Variants in ANKRD11 observed in about 807,000 individuals in gnomAD.
ANKRD11 encodes the protein ankyrin repeat domain 11.
A neutral mutation model predicts 195.7 loss-of-function variants in ANKRD11; 17 were observed. The observed-to-expected ratio is 0.09, with a 90% CI of 0.06 to 0.13. The LOEUF (loss-of-function observed/expected upper bound fraction) is 0.13, where lower values mean the gene tolerates loss of function less well. Ranked by LOEUF, ANKRD11 falls within the 10% of genes least tolerant of loss-of-function variation. The pLI, the probability that ANKRD11 is intolerant of heterozygous loss-of-function variation, is 1.00. For missense variants in ANKRD11, 3,735 were observed against 3,566.1 expected (o/e 1.05, Z -1.21); for synonymous variants, 1,953 against 1,528.1 (o/e 1.28, Z -6.49).
At chr16:89,340,925 G>A (rs2151995276) in intron 2 of ANKRD11, among the ~76,000 whole-genome samples, 1 of 152,280 alleles carries the variant, frequency 6.6e-6, no homozygotes, top group East Asian at 1.9e-4. Context: ...GTCCAAATGT[G>A]GGCAGTGATG....
rs906476955 is a variant in ANKRD11 at position 89,340,399 on chromosome 16, T to C, written c.-59-23321A>G. 6.0e-4 allele frequency among the ~76,000 whole-genome samples: 92 copies of C among 152,350 alleles called. 1 individual carries two copies. Among genetic ancestry groups the C allele is most frequent in the Middle Eastern group, 3.4e-3 (1 of 294 alleles). Reference sequence around the variant, plus strand: ...TTCAAGCGGTTCTCCTGCAGCCCCCTGAGTAGCTGAGATTACAGGCATGCG... The same window carrying C: ...TTCAAGCGGTTCTCCTGCAGCCCCCCGAGTAGCTGAGATTACAGGCATGCG... On this transcript the variant is annotated intron_variant, in intron 2 of 12. Coordinates refer to ENST00000301030, the MANE Select transcript of ANKRD11 (RefSeq NM_013275.6).
chr16:89,408,761 G>A (rs1033741880), intron 2 of ANKRD11, among the ~76,000 whole-genome samples: 5 of 152,144 alleles, frequency 3.3e-5, no homozygotes, highest in Non-Finnish European at 7.3e-5. Context: ...GTGGAATCCT[G>A]AATTCAAACC....
At chr16:89,386,164 T>C (rs768754119) in intron 2 of ANKRD11, among the ~76,000 whole-genome samples, 3 of 152,218 alleles carry the variant, frequency 2.0e-5, no homozygotes, top group Admixed American at 6.5e-5. Flanking sequence ...CGGCTTCCAA[T>C]GAACAATTCA....
chr16:89,439,069 C>A (rs567793778), intron 1 of ANKRD11, among the ~76,000 whole-genome samples: 1 of 151,268 alleles, frequency 6.6e-6, no homozygotes, highest in South Asian at 2.1e-4. Context: ...AAAAAAAGAA[C>A]TGTATTCTTC....
At chr16:89,440,243 T>C (rs2152289938) in intron 1 of ANKRD11, among the ~76,000 whole-genome samples, 1 of 152,310 alleles carries the variant, frequency 6.6e-6, no homozygotes, top group South Asian at 2.1e-4. Context: ...TATCAATATG[T>C]TCACGTAAAA....
At chr16:89,477,194 CTTT>C (rs398030125) in intron 1 of ANKRD11, among the ~76,000 whole-genome samples, 5 of 142,324 alleles carry the variant, frequency 3.5e-5, no homozygotes, top group Non-Finnish European at 6.2e-5. Flanking sequence ...GTCATTTCCC[CTTT>C]TTTTTTTTTT....
intron 2 of ANKRD11, chr16:89,328,925 CTGAG>C (rs1158746464): frequency 7.7e-6 from 1 of 130,074 alleles, no homozygotes; most frequent in Non-Finnish European, 1.6e-5. Context: ...GAGGCCCCTG[CTGAG>C]TGAGTGGACA....
chr16:89,421,064 GACGGAGTC>G (rs780243222), intron 1 of ANKRD11, among the ~76,000 whole-genome samples: 4 of 152,178 alleles, frequency 2.6e-5, no homozygotes, highest in Non-Finnish European at 5.9e-5. Context: ...AGTGTGTGAT[GACGGAGTC>G]AGGGAGTCAG....
intron 1 of ANKRD11, among the ~76,000 whole-genome samples, chr16:89,440,010 G>A (rs554230750): frequency 6.6e-6 from 1 of 152,290 alleles, no homozygotes; most frequent in East Asian, 1.9e-4. Context: ...TCCATAATCT[G>A]TGACTTGGCT....
At chr16:89,270,577 G>C in intron 12 of ANKRD11, 1 of 554,878 alleles carries the variant, frequency 1.8e-6, no homozygotes, top group Non-Finnish European at 3.3e-6. Context: ...TTGAGCTGGC[G>C]ACAGGAGCCG....
chr16:89,326,940 G>C (rs1404887944), intron 2 of ANKRD11, among the ~76,000 whole-genome samples: 1 of 152,170 alleles, frequency 6.6e-6, no homozygotes, highest in East Asian at 1.9e-4. Context: ...CGACCAGGCG[G>C]AGACGCAGAG....
chr16:89,475,393 C>A (rs1353168713), intron 1 of ANKRD11, among the ~76,000 whole-genome samples: 1 of 152,104 alleles, frequency 6.6e-6, no homozygotes, highest in African/African-American at 2.4e-5. Context: ...TCATGAAAGC[C>A]CCGTAACCCA....
intron 6 of ANKRD11, among the ~76,000 whole-genome samples, chr16:89,290,260 G>C (rs1382701515): frequency 7.5e-6 from 1 of 133,368 alleles, no homozygotes; most frequent in Admixed American, 7.2e-5. Flanking sequence ...GGTAGGCTCA[G>C]GGCTCCAATG....
At chr16:89,290,941 A>G in intron 5 of ANKRD11, 72 bp downstream of exon 5, 1 of 1,610,022 alleles carries the variant, frequency 6.2e-7, no homozygotes, top group Non-Finnish European at 8.5e-7. Context: ...GCTTGTCCTC[A>G]GCACAGCCAT....
chr16:89,285,096 C>T lies in ANKRD11; in HGVS notation c.1446G>A (p.Glu482=). 1.9e-6 allele frequency: 3 copies of T among 1,613,790 alleles called. No homozygotes were observed. Among genetic ancestry groups the T allele is most frequent in the Non-Finnish European group, 1.7e-6 (2 of 1,180,042 alleles). The part of the protein sequence containing the change: ...RSDKFCSSES[E]SESSESGEDD... ...CCTCCCCACTCTCTGAGGACTCGCT[C>T]TCCGACTCCGAGGAGCAGAACTTGT... Residue 482 remains glutamate (E), a synonymous_variant, in exon 9 of 13, where the codon GAG becomes GAA. Transcript: ENST00000301030. This position sits in a 1 kb window ranked among gnomAD's most constrained non-coding sequence, Gnocchi z 5.6.
intron 2 of ANKRD11, among the ~76,000 whole-genome samples, chr16:89,351,656 G>A (rs1011516549): frequency 2.0e-5 from 3 of 152,158 alleles, no homozygotes; most frequent in South Asian, 2.1e-4. Flanking sequence ...TGACCTGGGC[G>A]CAGGTTCGTG....
At chr16:89,312,927 G>A (rs965985721) in intron 3 of ANKRD11, among the ~76,000 whole-genome samples, 6 of 152,230 alleles carry the variant, frequency 3.9e-5, no homozygotes, top group Non-Finnish European at 8.8e-5. Flanking sequence ...AGCTATCTTC[G>A]GGGAGGGGCC....
At chr16:89,409,458 C>T (rs1442956944) in intron 2 of ANKRD11, among the ~76,000 whole-genome samples, 1 of 152,156 alleles carries the variant, frequency 6.6e-6, no homozygotes, top group South Asian at 2.1e-4. Context: ...ACGTCACGGC[C>T]CTGCCCACAG....
At chr16:89,311,787 ACTGT>A (rs1034299165) in intron 3 of ANKRD11, among the ~76,000 whole-genome samples, 1 of 152,150 alleles carries the variant, frequency 6.6e-6, no homozygotes, top group African/African-American at 2.4e-5. Flanking sequence ...CCTATACAAC[ACTGT>A]CTAAGGACCC....
Sources: gnomAD v4.1 joint callset for allele counts (sites outside exome capture counted in the v4.1 genomes callset) on GRCh38, gnomAD v4.1.1 for gene constraint, Gnocchi (gnomAD v3.1) non-coding constraint, MANE v1.5 for transcripts, NCBI Gene and HGNC (gene_info 2026-07-23, HGNC 2026-07-21) for gene names.